MSRA: variants seen among roughly 807,000 people sequenced by gnomAD.
The protein encoded by MSRA is methionine sulfoxide reductase A.
In MSRA, 54 loss-of-function variants were observed where a neutral mutation model predicts 31.3. That is an observed-to-expected ratio of 1.73 (90% CI 1.39 to 2.17). The LOEUF is 2.17. Ranked by LOEUF, MSRA falls within the 30% of genes most tolerant of loss-of-function variation. The pLI, the probability that MSRA is intolerant of heterozygous loss-of-function variation, is 0.00. For missense variants in MSRA, 507 were observed against 300.9 expected (o/e 1.69, Z -5.07); for synonymous variants, 169 against 116.5 (o/e 1.45, Z -2.90).
At chr8:10,369,481 A>G (rs1417431957) in intron 5 of MSRA, among the ~76,000 whole-genome samples, 1 of 152,244 alleles carries the variant, frequency 6.6e-6, no homozygotes, top group Non-Finnish European at 1.5e-5. Context: ...GATTTTAGTA[A>G]GTTACTGACT....
chr8:10,065,426 G>A (rs1055481295), intron 1 of MSRA, among the ~76,000 whole-genome samples: 4 of 152,148 alleles, frequency 2.6e-5, no homozygotes, highest in African/African-American at 4.8e-5. Flanking sequence ...AAGCTCTGTC[G>A]AATTATTTCA....
chr8:10,104,100 C>A (rs1338827424), intron 1 of MSRA, among the ~76,000 whole-genome samples: 2 of 152,100 alleles, frequency 1.3e-5, no homozygotes, highest in Non-Finnish European at 2.9e-5. Context: ...CTCATTTTAG[C>A]GTAGCCATTC....
intron 5 of MSRA, among the ~76,000 whole-genome samples, chr8:10,320,780 T>C (rs927616575): frequency 3.3e-5 from 5 of 152,226 alleles, no homozygotes; most frequent in African/African-American, 1.2e-4. Context: ...GTTCCAGGCC[T>C]CTCTCCTTGG....
intron 2 of MSRA, among the ~76,000 whole-genome samples, chr8:10,217,366 C>T (rs903971679): frequency 1.3e-5 from 2 of 152,206 alleles, no homozygotes; most frequent in South Asian, 2.1e-4. Flanking sequence ...ACTATTTGGT[C>T]CTTGCATCTC....
intron 5 of MSRA, 35 bp from the exon 6 acceptor site, chr8:10,428,113 A>G (rs766439179): frequency 1.3e-6 from 2 of 1,598,506 alleles, no homozygotes; most frequent in Non-Finnish European, 8.5e-7. Flanking sequence ...TCTCTCTAGC[A>G]TGGGAGCTGA....
intron 4 of MSRA, among the ~76,000 whole-genome samples, chr8:10,317,949 C>T (rs1392116804): frequency 2.0e-5 from 3 of 152,144 alleles, no homozygotes; most frequent in African/African-American, 4.8e-5. Context: ...GTTACACGCC[C>T]AACCCACCAG....
intron 1 of MSRA, among the ~76,000 whole-genome samples, chr8:10,145,533 C>G (rs960004555): frequency 1.3e-5 from 2 of 152,210 alleles, no homozygotes; most frequent in African/African-American, 4.8e-5. Flanking sequence ...CAGGCATCCT[C>G]TGAAGAGGCG....
At chr8:10,136,504 G>A (rs902703183) in intron 1 of MSRA, among the ~76,000 whole-genome samples, 9 of 152,220 alleles carry the variant, frequency 5.9e-5, no homozygotes, top group Admixed American at 2.0e-4. Flanking sequence ...ACCAGTAGCC[G>A]TATGGAATCA....
Position 10,356,207 on chromosome 8 carries a change from A to G in MSRA, c.543+36218A>G, listed in dbSNP as rs187726437. ...CTCTAGATCAAGCTTAGAACATTCTATGTTGTTTTCCGTATGGTTACTCAG... is the reference window on the plus strand; with the variant it reads ...CTCTAGATCAAGCTTAGAACATTCTGTGTTGTTTTCCGTATGGTTACTCAG... On this transcript the variant is annotated intron_variant, in intron 5 of 5. Coordinates refer to ENST00000317173, the MANE Select transcript of MSRA (RefSeq NM_012331.5). Among the ~76,000 whole-genome samples, 15 of 152,288 alleles carry G rather than the reference A, an allele frequency of 9.8e-5. No homozygotes were observed. In the South Asian group the frequency reaches 1.2e-3, roughly 13 times the overall value.
chr8:10,240,210 A>C (rs1483034260), intron 2 of MSRA, among the ~76,000 whole-genome samples: 1 of 152,126 alleles, frequency 6.6e-6, no homozygotes, highest in Non-Finnish European at 1.5e-5. Context: ...ATCCTTTGCC[A>C]CCTTATGGTG....
intron 1 of MSRA, among the ~76,000 whole-genome samples, chr8:10,153,991 C>G (rs1275849276): frequency 6.6e-6 from 1 of 152,134 alleles, no homozygotes; most frequent in East Asian, 1.9e-4. Flanking sequence ...ATATTCAATG[C>G]CTTGTGGTCA....
intron 1 of MSRA, among the ~76,000 whole-genome samples, chr8:10,088,770 C>A (rs904420831): frequency 6.6e-6 from 1 of 151,966 alleles, no homozygotes; most frequent in South Asian, 2.1e-4. Flanking sequence ...GGAATAAGGA[C>A]CATGTGATAT....
At chr8:10,216,728 C>A (rs972694361) in intron 2 of MSRA, among the ~76,000 whole-genome samples, 12 of 152,188 alleles carry the variant, frequency 7.9e-5, no homozygotes, top group African/African-American at 2.9e-4. Context: ...AAAGTTCATC[C>A]ATGTTGTATT....
chr8:10,234,820 A>G (rs923985360), intron 2 of MSRA, among the ~76,000 whole-genome samples: 1 of 152,104 alleles, frequency 6.6e-6, no homozygotes, highest in Admixed American at 6.5e-5. Context: ...TTTAAGAACA[A>G]AAGACTTTAA....
At chr8:10,198,382 C>T (rs989084492) in intron 1 of MSRA, among the ~76,000 whole-genome samples, 1 of 151,498 alleles carries the variant, frequency 6.6e-6, no homozygotes, top group Non-Finnish European at 1.5e-5. Flanking sequence ...TTTCCTGATG[C>T]CAGGAAAAAA....
chr8:10,225,710 A>G (rs1010512664), intron 2 of MSRA, among the ~76,000 whole-genome samples: 1 of 152,140 alleles, frequency 6.6e-6, no homozygotes, highest in African/African-American at 2.4e-5. Context: ...GTTTTGATGT[A>G]GATGTCTGAC....
intron 2 of MSRA, among the ~76,000 whole-genome samples, chr8:10,232,238 C>T (rs1056408016): frequency 2.6e-5 from 4 of 152,228 alleles, no homozygotes; most frequent in African/African-American, 9.6e-5. Flanking sequence ...TGCACATGTT[C>T]TAATGGGAGC....
intron 1 of MSRA, among the ~76,000 whole-genome samples, chr8:10,112,778 T>C (rs1800382458): frequency 6.7e-6 from 1 of 150,272 alleles, no homozygotes; most frequent in Non-Finnish European, 1.5e-5. Flanking sequence ...GGGGTGGGGT[T>C]GGAGAAGTTT....
intron 1 of MSRA, among the ~76,000 whole-genome samples, chr8:10,166,476 CAT>C (rs747320480): frequency 6.6e-6 from 1 of 151,986 alleles, no homozygotes. Flanking sequence ...TACATGACTA[CAT>C]ATGTGTGTGC....
Sources: allele counts gnomAD v4.1 joint callset (sites outside exome capture counted in the v4.1 genomes callset), GRCh38; gene constraint gnomAD v4.1.1; transcripts MANE v1.5; gene names NCBI Gene and HGNC (gene_info 2026-07-23, HGNC 2026-07-21).